The following RSPRY1 variants were observed in gnomAD, a reference collection of about 807,000 sequenced individuals.
RSPRY1 encodes the protein RING finger and SPRY domain-containing protein 1.
Under a neutral mutation model 73.1 loss-of-function variants are expected in RSPRY1, and 23 were observed. That is an observed-to-expected ratio of 0.31 (90% CI 0.23 to 0.45). The LOEUF is 0.45. Among genes scored for constraint, RSPRY1 ranks in the 20% least tolerant of loss-of-function variants. RSPRY1 has a pLI of 1.00. For missense variants in RSPRY1, 448 were observed against 698.7 expected (o/e 0.64, Z 4.05); for synonymous variants, 226 against 251.4 (o/e 0.90, Z 0.95).
chr16:57,198,772 A>G (rs1393520870), intron 1 of RSPRY1, among the ~76,000 whole-genome samples: 3 of 152,162 alleles, frequency 2.0e-5, no homozygotes, highest in African/African-American at 7.2e-5. Context: ...GATTGAATCT[A>G]CTGTTTGCAT....
chr16:57,212,690 C>T (rs1481943454), intron 4 of RSPRY1, among the ~76,000 whole-genome samples: 1 of 152,140 alleles, frequency 6.6e-6, no homozygotes, highest in East Asian at 1.9e-4. Flanking sequence ...TCTCGGCTCA[C>T]TGCAACCTCT....
At chr16:57,201,307 C>T (rs1350954512) in intron 1 of RSPRY1, among the ~76,000 whole-genome samples, 1 of 145,430 alleles carries the variant, frequency 6.9e-6, no homozygotes, top group Non-Finnish European at 1.5e-5. Context: ...CAGAGGGTCT[C>T]CTCACTTCTC....
chr16:57,208,812 A>G (rs1270658765), intron 3 of RSPRY1, among the ~76,000 whole-genome samples: 1 of 152,154 alleles, frequency 6.6e-6, no homozygotes, highest in Admixed American at 6.5e-5. Flanking sequence ...GATGCTTAAA[A>G]CTATTTTAAT....
In RSPRY1 at chr16:57,230,699, T is replaced by A; in HGVS notation, c.1274-12T>A. On this transcript the variant is annotated splice_polypyrimidine_tract_variant and intron_variant, in intron 11 of 14. Coordinates refer to ENST00000394420, the MANE Select transcript of RSPRY1 (RefSeq NM_133368.3). ...CATCATTATCCTAACAGTGTTTCTCTTTATCCTCTAGGAGATACAGTAGGA... is the reference window on the plus strand; with the variant it reads ...CATCATTATCCTAACAGTGTTTCTCATTATCCTCTAGGAGATACAGTAGGA... The A allele has an allele frequency of 2.1e-6, 3 of 1,450,568 alleles. No individual in the cohort carries two copies. In the South Asian group the frequency reaches 3.4e-5, roughly 17 times the overall value. The allele number at this position is 1,450,568 out of a possible 1,614,324, so 89.9% of individuals were successfully genotyped here.
intron 1 of RSPRY1, among the ~76,000 whole-genome samples, chr16:57,189,314 GTTA>G (rs1295750020): frequency 1.3e-5 from 2 of 151,924 alleles, no homozygotes; most frequent in Non-Finnish European, 2.9e-5. Flanking sequence ...TTATTTTCAA[GTTA>G]TTGATTATAG....
intron 2 of RSPRY1, chr16:57,207,828 C>T (rs2074755735): frequency 3.7e-6 from 2 of 545,552 alleles, no homozygotes; most frequent in South Asian, 3.5e-5. Context: ...TGTCTGTATC[C>T]ACCTGCCCAT....
At position 57,239,615 on chromosome 16, in the gene RSPRY1, T is replaced by G. The variant is rs892345223; in HGVS notation, c.*640T>G. ...TTGTTTGTTTTTTTGTTTTTTGGGT[T>G]TTTTTTTTTTACTGCAGAAAATTGG... On this transcript the variant is annotated 3_prime_UTR_variant, in exon 15 of 15. Transcript: ENST00000394420. 1.3e-5 allele frequency: 2 copies of G among 148,496 alleles called. No homozygotes were observed. Among genetic ancestry groups the G allele is most frequent in the Non-Finnish European group, 3.0e-5 (2 of 66,954 alleles). The allele number at this position is 148,496 out of a possible 1,614,324, so 9.2% of individuals were successfully genotyped here.
At chr16:57,227,269 TAA>T (rs2075134510) in intron 10 of RSPRY1, 71 bp from the exon 11 acceptor site, 1 of 1,012,436 alleles carries the variant, frequency 9.9e-7, no homozygotes, top group Admixed American at 1.8e-5. Flanking sequence ...TCAGTGGTCG[TAA>T]AAGACACACT....
At chr16:57,223,795 T>G (rs1379414219) in intron 10 of RSPRY1, among the ~76,000 whole-genome samples, 1 of 152,162 alleles carries the variant, frequency 6.6e-6, no homozygotes, top group African/African-American at 2.4e-5. Context: ...TAAATAAATA[T>G]CTTTTGCTTT....
At chr16:57,200,232 A>C in intron 1 of RSPRY1, among the ~76,000 whole-genome samples, 1 of 149,364 alleles carries the variant, frequency 6.7e-6, no homozygotes. Context: ...GTAAGGTCAC[A>C]GATCAACAGG....
intron 1 of RSPRY1, among the ~76,000 whole-genome samples, chr16:57,201,356 G>A (rs2074599424): frequency 6.6e-6 from 1 of 151,574 alleles, no homozygotes; most frequent in African/African-American, 2.4e-5. Context: ...TCACATCCCA[G>A]ACGGGGCGGC....
intron 1 of RSPRY1, among the ~76,000 whole-genome samples, chr16:57,188,222 AT>A (rs1421067026): frequency 1.3e-5 from 2 of 152,192 alleles, no homozygotes; most frequent in African/African-American, 4.8e-5. Flanking sequence ...CTGGGATGGT[AT>A]CTTGCTTTGT....
chr16:57,229,460 A>T (rs564875579), intron 11 of RSPRY1, among the ~76,000 whole-genome samples: 13 of 152,016 alleles, frequency 8.6e-5, no homozygotes, highest in African/African-American at 3.1e-4. Context: ...CTATAAAAAA[A>T]TTTTAAAAAT....
chr16:57,204,314 A>G (rs1211967871), intron 1 of RSPRY1, among the ~76,000 whole-genome samples, 190 bp from the exon 2 acceptor site: 2 of 152,244 alleles, frequency 1.3e-5, no homozygotes, highest in African/African-American at 4.8e-5. Flanking sequence ...ACAGAATGAT[A>G]AAAAGAAATT....
chr16:57,196,674 A>G (rs2074453192), intron 1 of RSPRY1, among the ~76,000 whole-genome samples: 1 of 152,210 alleles, frequency 6.6e-6, no homozygotes, highest in Admixed American at 6.6e-5. Context: ...TAGGTTATAG[A>G]AAAGTAAAAA....
intron 14 of RSPRY1, among the ~76,000 whole-genome samples, chr16:57,236,507 T>C (rs970446170): frequency 6.6e-6 from 1 of 151,082 alleles, no homozygotes; most frequent in African/African-American, 2.4e-5. Context: ...ATTACAAGAG[T>C]CAATCCCCAG....
At chr16:57,207,334 T>C (rs770602617) in intron 2 of RSPRY1, among the ~76,000 whole-genome samples, 22 of 152,038 alleles carry the variant, frequency 1.4e-4, no homozygotes, top group African/African-American at 5.1e-4. Context: ...TTTTTTTTTT[T>C]CCACACTAAA....
chr16:57,216,787 T>C, intron 7 of RSPRY1, 117 bp from the exon 8 acceptor site: 1 of 926,690 alleles, frequency 1.1e-6, no homozygotes, highest in Non-Finnish European at 1.7e-6. Flanking sequence ...TTAATTGAAG[T>C]CTAATCTAGT....
At chr16:57,218,759 G>A (rs1241357589) in intron 8 of RSPRY1, among the ~76,000 whole-genome samples, 7 of 88,440 alleles carry the variant, frequency 7.9e-5, no homozygotes, top group East Asian at 4.8e-4. Context: ...TTTTTGAGAC[G>A]GAGTCTCGCT....
Sources: allele counts gnomAD v4.1 joint callset (sites outside exome capture counted in the v4.1 genomes callset), GRCh38; gene constraint gnomAD v4.1.1; transcripts MANE v1.5; gene names NCBI Gene and HGNC (gene_info 2026-07-23, HGNC 2026-07-21).